Variants in PRKDC observed in about 807,000 individuals in gnomAD.
PRKDC encodes the protein DNA-dependent protein kinase catalytic subunit.
PRKDC carries 82 observed loss-of-function variants against 486.9 expected under a neutral mutation model. The observed-to-expected ratio is 0.17, with a 90% CI of 0.14 to 0.20. PRKDC has a LOEUF of 0.20. Among genes scored for constraint, PRKDC ranks in the 10% least tolerant of loss-of-function variants. The probability of loss-of-function intolerance (pLI) is 1.00; values close to 1 mark genes in which losing one functional copy is unlikely to be tolerated. For missense variants in PRKDC, 4,504 were observed against 5,038.2 expected (o/e 0.89, Z 3.21); for synonymous variants, 1,895 against 1,837.0 (o/e 1.03, Z -0.81).
chr8:47,830,003 C>T (rs889032753), intron 61 of PRKDC, among the ~76,000 whole-genome samples: 2 of 152,142 alleles, frequency 1.3e-5, no homozygotes, highest in African/African-American at 4.8e-5. Context: ...AAACTAGAAG[C>T]ACCGCACTAC....
At chr8:47,899,564 AC>A (rs1218375853) in intron 28 of PRKDC, among the ~76,000 whole-genome samples, 1 of 152,132 alleles carries the variant, frequency 6.6e-6, no homozygotes, top group African/African-American at 2.4e-5. Flanking sequence ...AATCGCTTGA[AC>A]CCAGGAGGCG....
At chr8:47,944,407 TACTC>T (rs1474663452) in intron 7 of PRKDC, among the ~76,000 whole-genome samples, 2 of 150,372 alleles carry the variant, frequency 1.3e-5, no homozygotes, top group African/African-American at 4.9e-5. Context: ...TAAAGTAACT[TACTC>T]ATGGCCAAAC....
At chr8:47,929,310 C>A in intron 18 of PRKDC, 132 bp from the exon 19 acceptor site, 1 of 675,852 alleles carries the variant, frequency 1.5e-6, no homozygotes. Flanking sequence ...AGACAGGAGG[C>A]AGAATCAGCT....
intron 40 of PRKDC, among the ~76,000 whole-genome samples, chr8:47,871,838 GC>G (rs2088959864): frequency 1.3e-5 from 2 of 152,162 alleles, no homozygotes; most frequent in Admixed American, 1.3e-4. Context: ...AGATCCACCA[GC>G]CTCGGCCTCC....
intron 58 of PRKDC, 22 bp from the exon 59 acceptor site, chr8:47,834,418 G>A: frequency 2.5e-6 from 4 of 1,610,584 alleles, no homozygotes; most frequent in Non-Finnish European, 3.4e-6. Flanking sequence ...AATCAGAGAG[G>A]TCAGGCACTC....
intron 40 of PRKDC, 124 bp from the exon 41 acceptor site, chr8:47,864,887 T>C: frequency 3.6e-6 from 3 of 834,510 alleles, no homozygotes; most frequent in Admixed American, 3.2e-5. Context: ...CTTTAAGGAC[T>C]ATATATATGC....
At chr8:47,843,167 GA>G (rs1402724518) in intron 54 of PRKDC, among the ~76,000 whole-genome samples, 1 of 151,918 alleles carries the variant, frequency 6.6e-6, no homozygotes, top group Non-Finnish European at 1.5e-5. Context: ...AGACCCTGTC[GA>G]AAACAAAACA....
chr8:47,786,719 TAATC>T (rs1215372637), intron 76 of PRKDC, among the ~76,000 whole-genome samples: 7 of 133,224 alleles, frequency 5.3e-5, no homozygotes, highest in Admixed American at 4.6e-4. Flanking sequence ...AAATATTATT[TAATC>T]TTTTTTTTTT....
intron 26 of PRKDC, among the ~76,000 whole-genome samples, chr8:47,903,689 T>C (rs1589780339): frequency 6.6e-6 from 1 of 152,194 alleles, no homozygotes; most frequent in Admixed American, 6.5e-5. Context: ...TCCTCAACTA[T>C]CTCGTTTTAC....
At chr8:47,879,337 A>G (rs918019384) in intron 39 of PRKDC, among the ~76,000 whole-genome samples, 154 bp downstream of exon 39, 2 of 152,220 alleles carry the variant, frequency 1.3e-5, no homozygotes, top group African/African-American at 2.4e-5. Flanking sequence ...AATGTACTGT[A>G]CAAGCTTTGT....
chr8:47,899,495 T>G (rs968702640), intron 28 of PRKDC, among the ~76,000 whole-genome samples: 2 of 152,010 alleles, frequency 1.3e-5, no homozygotes, highest in African/African-American at 4.8e-5. Context: ...ATACAAAAAT[T>G]AGCCAGGCGT....
chr8:47,854,806 GC>G (rs1349390223), intron 50 of PRKDC, among the ~76,000 whole-genome samples: 1 of 152,106 alleles, frequency 6.6e-6, no homozygotes, highest in Non-Finnish European at 1.5e-5. Context: ...GGTTCCTCCA[GC>G]TTTGTAACAC....
chr8:47,958,973 T>C (rs1459549131), intron 1 of PRKDC: 1 of 152,232 alleles, frequency 6.6e-6, no homozygotes, highest in Non-Finnish European at 1.5e-5. Context: ...TGACCTCAGG[T>C]GATCCAGCTG....
At chr8:47,901,959 T>C (rs536421408) in intron 27 of PRKDC, among the ~76,000 whole-genome samples, 1 of 151,982 alleles carries the variant, frequency 6.6e-6, no homozygotes. Context: ...TCAGACCCAC[T>C]CTCTACACAG....
intron 74 of PRKDC, 66 bp from the exon 75 acceptor site, chr8:47,789,304 A>G: frequency 2.9e-6 from 2 of 700,978 alleles, no homozygotes; most frequent in Non-Finnish European, 4.3e-6. Flanking sequence ...TATATTTTAT[A>G]TACCATACAT....
chr8:47,862,208 G>A (rs2088694036), intron 43 of PRKDC, 81 bp from the exon 44 acceptor site: 7 of 1,391,070 alleles, frequency 5.0e-6, no homozygotes, highest in Non-Finnish European at 6.9e-6. Flanking sequence ...TTAATGCTAT[G>A]TAATAGCTCA....
chr8:47,883,105 A>G (rs1243517911), intron 36 of PRKDC, among the ~76,000 whole-genome samples: 2 of 152,192 alleles, frequency 1.3e-5, no homozygotes, highest in Non-Finnish European at 2.9e-5. Flanking sequence ...CATCGTGATG[A>G]GAGTGCACAG....
chr8:47,787,040 C>A (rs2086803800), intron 76 of PRKDC, among the ~76,000 whole-genome samples: 1 of 152,132 alleles, frequency 6.6e-6, no homozygotes, highest in Admixed American at 6.6e-5. Context: ...ATGTTTATTT[C>A]TAAAAGCAAT....
At position 47,777,723 on chromosome 8, in the gene PRKDC, A is replaced by G; in HGVS notation, c.12005T>C (p.Met4002Thr). Residue 4002 changes from methionine (M) to threonine (T), a missense_variant, in exon 84 of 86, where the codon ATG becomes ACG. Physicochemically the swap from Met to Thr is moderately conservative, Grantham distance 81. This residue lies in a region of PRKDC where 706 missense variants were observed against 945.0 expected (regional missense o/e 0.75). Transcript: ENST00000314191. ...RSDPGLLTNT[M>T]DVFVKEPSFD... The stretch of plus-strand genomic sequence containing the variant: ...GGAGGGCTCCTTGACAAACACATCC[A>G]TGGTGTTGGTGAGCAGGCCAGGGTC... The G allele has an allele frequency of 6.2e-7, 1 of 1,607,896 alleles. No individual in the cohort carries two copies. The highest frequency in any genetic ancestry group is 8.5e-7 in the Non-Finnish European group (1 of 1,175,558).
Sources: gnomAD v4.1 joint callset for allele counts (sites outside exome capture counted in the v4.1 genomes callset) on GRCh38, gnomAD v4.1.1 for gene constraint, gnomAD v4.1.1 regional missense constraint, MANE v1.5 for transcripts, NCBI Gene and HGNC (gene_info 2026-07-23, HGNC 2026-07-21) for gene names.